The following NF1 variants were observed in gnomAD, a reference collection of about 807,000 sequenced individuals.
NF1 encodes neurofibromin 1.
In NF1, 122 loss-of-function variants were observed where a neutral mutation model predicts 325.7. The observed-to-expected ratio is 0.37, with a 90% CI of 0.32 to 0.44. The LOEUF (loss-of-function observed/expected upper bound fraction) is 0.44, where lower values mean the gene tolerates loss of function less well. Among genes scored for constraint, NF1 ranks in the 20% least tolerant of loss-of-function variants. The pLI is 1.00. For synonymous variants in NF1, 1,091 were observed against 1,186.0 expected (o/e 0.92, Z 1.65); for missense variants, 2,140 against 3,415.4 (o/e 0.63, Z 9.31).
chr17:31,249,994 G>T (rs1347403188), intron 30 of NF1: 2 of 495,156 alleles, frequency 4.0e-6, no homozygotes, highest in Admixed American at 4.6e-5. Context: ...CACGGCTTCA[G>T]TTGCTTAGAG....
chr17:31,249,159 T>C, intron 30 of NF1, 40 bp downstream of exon 30: 1 of 1,603,924 alleles, frequency 6.2e-7, no homozygotes, highest in Non-Finnish European at 8.5e-7. Flanking sequence ...TAATCTAAAG[T>C]TAAATTATGA....
At chr17:31,268,490 G>T (rs2067829914) in intron 36 of NF1, among the ~76,000 whole-genome samples, 1 of 151,902 alleles carries the variant, frequency 6.6e-6, no homozygotes, top group Non-Finnish European at 1.5e-5. Context: ...AGGCAGGCGT[G>T]GTGGCACGTG....
chr17:31,218,406 A>G (rs930097555), intron 13 of NF1, among the ~76,000 whole-genome samples: 7 of 152,200 alleles, frequency 4.6e-5, no homozygotes, highest in African/African-American at 1.4e-4. Context: ...TTTTGATTTA[A>G]TAAAATTTTT....
chr17:31,110,920 C>T (rs1381723284), intron 1 of NF1, among the ~76,000 whole-genome samples: 1 of 151,868 alleles, frequency 6.6e-6, no homozygotes, highest in African/African-American at 2.4e-5. Context: ...ACAAAAAAAA[C>T]CCAGGTAAAT....
chr17:31,214,242 A>T (rs2066780237), intron 12 of NF1, among the ~76,000 whole-genome samples: 1 of 152,130 alleles, frequency 6.6e-6, no homozygotes, highest in Non-Finnish European at 1.5e-5. Flanking sequence ...AAAAAAATAT[A>T]AATGGTGCAA....
intron 52 of NF1, 36 bp from the exon 53 acceptor site, chr17:31,356,924 G>C (rs760622243): frequency 6.2e-7 from 1 of 1,612,506 alleles, no homozygotes; most frequent in Non-Finnish European, 8.5e-7. Flanking sequence ...TGATTATCCA[G>C]GTGTTTGATC....
At chr17:31,271,359 A>G (rs2067891496) in intron 36 of NF1, among the ~76,000 whole-genome samples, 1 of 109,878 alleles carries the variant, frequency 9.1e-6, no homozygotes, top group Non-Finnish European at 2.4e-5. Context: ...ATGACATATT[A>G]CTATTAACAC....
intron 42 of NF1, among the ~76,000 whole-genome samples, 195 bp from the exon 43 acceptor site, chr17:31,337,173 C>G (rs1481625647): frequency 1.3e-5 from 2 of 152,154 alleles, no homozygotes; most frequent in Non-Finnish European, 2.9e-5. Flanking sequence ...TGACCATGTT[C>G]AGTTACCAGC....
At position 31,374,961 on chromosome 17, in the gene NF1, G is replaced by GT. The variant is rs201424055; in HGVS notation, c.*813dup. 3.9e-4 allele frequency: 84 copies of GT among 215,562 alleles called. No homozygotes were observed. The East Asian group carries it at 4.1e-3, about 11-fold the overall frequency. The allele number at this position is 215,562 out of a possible 1,614,324, so 13.4% of individuals were successfully genotyped here. A position where few individuals can be genotyped will look rare whatever the true frequency, so the allele number is the denominator to read the frequency against. On this transcript the variant is annotated 3_prime_UTR_variant, in exon 58 of 58. Transcript: ENST00000358273. ...TTAATTTTTAATTTTGCTAAAGGTG[G>GT]TTTTTTTGTGTTTTGTTTTTTGTAA...
intron 1 of NF1, chr17:31,137,339 A>G (rs536765489): frequency 1.7e-3 from 263 of 152,362 alleles, no homozygotes; most frequent in African/African-American, 6.1e-3. Context: ...GGCTGAGCCA[A>G]GTAGTGTACT....
chr17:31,341,878 G>T (rs1177302427), intron 47 of NF1, among the ~76,000 whole-genome samples: 1 of 152,108 alleles, frequency 6.6e-6, no homozygotes, highest in East Asian at 1.9e-4. Context: ...ATAAAAATGG[G>T]AAGGGTCTAG....
At chr17:31,341,416 C>T (rs948503081) in intron 47 of NF1, among the ~76,000 whole-genome samples, 1 of 151,838 alleles carries the variant, frequency 6.6e-6, no homozygotes. Context: ...CCCAGCTACT[C>T]GGGAGGTGAG....
At position 31,304,838 on chromosome 17, in the gene NF1, T is replaced by C. The variant is rs1291262173; in HGVS notation, c.4836-20982T>C. On this transcript the variant is annotated intron_variant, in intron 36 of 57. Transcript: ENST00000358273. ...CGTTTTGTGGATATTTCATTTTCTC[T>C]GATGTTATCCATACAAATGTCAGGG... 5 of 1,613,944 alleles carry C rather than the reference T, an allele frequency of 3.1e-6. No homozygotes were observed. The highest frequency in any genetic ancestry group is 1.3e-5 in the African/African-American group (1 of 74,910).
chr17:31,304,888 C>T (rs2068667899), intron 36 of NF1: 1 of 1,614,140 alleles, frequency 6.2e-7, no homozygotes, highest in Non-Finnish European at 8.5e-7. Flanking sequence ...AAATGGAGAT[C>T]TACCTGCCCA....
chr17:31,117,599 G>A (rs1242311989), intron 1 of NF1, among the ~76,000 whole-genome samples: 1 of 147,662 alleles, frequency 6.8e-6, no homozygotes, highest in African/African-American at 2.5e-5. Flanking sequence ...CGTGAACACG[G>A]GAGGCGGAGC....
At chr17:31,196,536 G>A (rs537635910) in intron 8 of NF1, among the ~76,000 whole-genome samples, 1 of 151,902 alleles carries the variant, frequency 6.6e-6, no homozygotes, top group African/African-American at 2.4e-5. Flanking sequence ...TTTTTATTTT[G>A]ATGAAATCCA....
chr17:31,219,867 A>G (rs1341201057), intron 14 of NF1, among the ~76,000 whole-genome samples: 2 of 152,092 alleles, frequency 1.3e-5, no homozygotes, highest in Non-Finnish European at 2.9e-5. Context: ...TTCAAGGTTC[A>G]TTTATGTTGT....
chr17:31,204,948 T>C (rs893387718), intron 11 of NF1, among the ~76,000 whole-genome samples: 4 of 152,092 alleles, frequency 2.6e-5, no homozygotes, highest in African/African-American at 4.8e-5. Flanking sequence ...AGACTAAAAA[T>C]TGATCATTTG....
At chr17:31,251,576 G>A (rs966981233) in intron 30 of NF1, 12 of 196,154 alleles carry the variant, frequency 6.1e-5, no homozygotes, top group African/African-American at 9.3e-5. Flanking sequence ...GGATATTCTC[G>A]TATGGTGAGA....
Sources: allele counts gnomAD v4.1 joint callset (sites outside exome capture counted in the v4.1 genomes callset), GRCh38; gene constraint gnomAD v4.1.1; transcripts MANE v1.5; gene names NCBI Gene and HGNC (gene_info 2026-07-23, HGNC 2026-07-21).